CADPS2: variants seen among roughly 807,000 people sequenced by gnomAD.
The protein encoded by CADPS2 is calcium dependent secretion activator 2.
Under a neutral mutation model 172.5 loss-of-function variants are expected in CADPS2, and 93 were observed. The ratio of observed to expected loss-of-function variants is 0.54; its 90% CI spans 0.46 to 0.64. The LOEUF is 0.64. Ranked by LOEUF, CADPS2 falls within the 30% of genes least tolerant of loss-of-function variation. The pLI is 0.00. For missense variants in CADPS2, 1,420 were observed against 1,565.9 expected (o/e 0.91, Z 1.57); for synonymous variants, 546 against 555.2 (o/e 0.98, Z 0.23).
chr7:122,642,057 A>G (rs1050441679), intron 3 of CADPS2, among the ~76,000 whole-genome samples: 1 of 152,030 alleles, frequency 6.6e-6, no homozygotes, highest in African/African-American at 2.4e-5. Context: ...AGGCAGGTGG[A>G]TCACTTGAGG....
intron 17 of CADPS2, among the ~76,000 whole-genome samples, chr7:122,417,152 A>G (rs1197052188): frequency 2.0e-5 from 3 of 152,132 alleles, no homozygotes; most frequent in Admixed American, 2.0e-4. Flanking sequence ...TTAAATTTGG[A>G]GGAGACACTT....
chr7:122,779,707 G>A (rs541005361), intron 1 of CADPS2, among the ~76,000 whole-genome samples: 13 of 152,104 alleles, frequency 8.5e-5, no homozygotes, highest in Non-Finnish European at 1.6e-4. Context: ...GTCACAGCAA[G>A]CAAAGCCCAC....
At chr7:122,841,019 C>G (rs1437513852) in intron 1 of CADPS2, among the ~76,000 whole-genome samples, 1 of 151,946 alleles carries the variant, frequency 6.6e-6, no homozygotes, top group African/African-American at 2.4e-5. Context: ...AACTGTTTTA[C>G]AATACTGTAA....
Position 122,424,974 on chromosome 7 carries a change from CT to C in CADPS2, c.2477-8811del, listed in dbSNP as rs199773704. On this transcript the variant is annotated intron_variant, in intron 17 of 29. Coordinates refer to ENST00000449022, the MANE Select transcript of CADPS2 (RefSeq NM_017954.11). Reference sequence around the variant, plus strand: ...ATTTTGCCAGCTAATTGTGTAATAGCTTTTTTTAAAAAAATTATTTTTTTGG... The same window carrying C: ...ATTTTGCCAGCTAATTGTGTAATAGCTTTTTTAAAAAAATTATTTTTTTGG... Among the ~76,000 whole-genome samples the C allele has an allele frequency of 6.2e-3, 946 of 152,090 alleles. 9 individuals carry two copies. The highest frequency in any genetic ancestry group is 0.02 in the African/African-American group (828 of 41,482).
intron 8 of CADPS2, among the ~76,000 whole-genome samples, chr7:122,548,712 T>C (rs565531783): frequency 2.0e-5 from 3 of 152,168 alleles, no homozygotes; most frequent in Non-Finnish European, 4.4e-5. Context: ...TGCTTTCTTA[T>C]TCCTCTCACT....
At chr7:122,726,411 C>A (rs1486831567) in intron 2 of CADPS2, among the ~76,000 whole-genome samples, 1 of 151,948 alleles carries the variant, frequency 6.6e-6, no homozygotes, top group Non-Finnish European at 1.5e-5. Context: ...CTTAATCTAT[C>A]CATTTTTATG....
At chr7:122,394,864 T>C (rs550001321) in intron 20 of CADPS2, among the ~76,000 whole-genome samples, 1 of 152,104 alleles carries the variant, frequency 6.6e-6, no homozygotes, top group Admixed American at 6.5e-5. Context: ...TAGCCAGGAG[T>C]GAAAACAGAG....
intron 6 of CADPS2, among the ~76,000 whole-genome samples, chr7:122,596,104 C>T (rs2071729860): frequency 1.3e-5 from 2 of 152,102 alleles, no homozygotes; most frequent in Non-Finnish European, 2.9e-5. Context: ...TTCCTGTGAG[C>T]ACTACCCACA....
rs538827921 is a variant in CADPS2 at position 122,569,137 on chromosome 7, A to G, written c.1335+12042T>C. Among the ~76,000 whole-genome samples the G allele has an allele frequency of 1.2e-4, 18 of 152,184 alleles. 1 individual carries two copies. The highest frequency in any genetic ancestry group is 2.6e-4 in the Admixed American group (4 of 15,278). Reference sequence around the variant, plus strand: ...GATTGTATATCTAGAAAACCCCATCATCTCAGCCCAAAATCTCCTTAAGCT... The same window carrying G: ...GATTGTATATCTAGAAAACCCCATCGTCTCAGCCCAAAATCTCCTTAAGCT... On this transcript the variant is annotated intron_variant, in intron 7 of 29. Coordinates refer to ENST00000449022, the MANE Select transcript of CADPS2 (RefSeq NM_017954.11).
Position 122,786,074 on chromosome 7 carries a change from C to T in CADPS2, c.340-49006G>A, listed in dbSNP as rs995817762. Reference sequence around the variant, plus strand: ...TTTCCACATTCCACTTTTATTGTTACCACATTCAGATCTTCTAACTATAAC... The same window carrying T: ...TTTCCACATTCCACTTTTATTGTTATCACATTCAGATCTTCTAACTATAAC... On this transcript the variant is annotated intron_variant, in intron 1 of 29. Coordinates refer to ENST00000449022, the MANE Select transcript of CADPS2 (RefSeq NM_017954.11). Among the ~76,000 whole-genome samples the T allele has an allele frequency of 5.3e-5, 8 of 152,130 alleles. 1 individual carries two copies. In the South Asian group the frequency reaches 1.5e-3, roughly 28 times the overall value.
intron 4 of CADPS2, 121 bp downstream of exon 4, chr7:122,629,127 G>A (rs1231350547): frequency 3.1e-6 from 2 of 651,672 alleles, no homozygotes; most frequent in Admixed American, 6.5e-5. Context: ...ATGTGTAGAG[G>A]AGAAAATGTT....
intron 8 of CADPS2, among the ~76,000 whole-genome samples, chr7:122,540,187 C>T (rs2131567736): frequency 6.6e-6 from 1 of 152,156 alleles, no homozygotes; most frequent in Middle Eastern, 3.4e-3. Context: ...TGACATTATA[C>T]TCATGTTGGC....
chr7:122,424,555 T>C (rs2048910606), intron 17 of CADPS2: 1 of 152,292 alleles, frequency 6.6e-6, no homozygotes, highest in Admixed American at 6.5e-5. Context: ...GGTGGAATAT[T>C]GAGGCATAAT....
At chr7:122,360,585 A>T (rs2039997893) in intron 27 of CADPS2, among the ~76,000 whole-genome samples, 1 of 152,308 alleles carries the variant, frequency 6.6e-6, no homozygotes, top group Non-Finnish European at 1.5e-5. Context: ...TGATCTCCTT[A>T]AGAGTTTCTG....
At chr7:122,489,789 A>G (rs184022913) in intron 11 of CADPS2, among the ~76,000 whole-genome samples, 1 of 152,284 alleles carries the variant, frequency 6.6e-6, no homozygotes, top group African/African-American at 2.4e-5. Flanking sequence ...ATCACAATAA[A>G]CTAAATTAAA....
intron 1 of CADPS2, among the ~76,000 whole-genome samples, chr7:122,821,923 A>G (rs1349377776): frequency 6.6e-6 from 1 of 152,080 alleles, no homozygotes; most frequent in Non-Finnish European, 1.5e-5. Context: ...GCTCCTTTTT[A>G]TTAGGCCCCA....
intron 1 of CADPS2, among the ~76,000 whole-genome samples, chr7:122,768,827 T>C (rs994922481): frequency 6.6e-6 from 1 of 151,860 alleles, no homozygotes; most frequent in Non-Finnish European, 1.5e-5. Context: ...CAAGAGAGCA[T>C]GGAAGATATA....
intron 7 of CADPS2, among the ~76,000 whole-genome samples, chr7:122,569,205 G>A (rs537448288): frequency 4.6e-5 from 7 of 152,202 alleles, no homozygotes; most frequent in South Asian, 4.1e-4. Flanking sequence ...AAATCAATGT[G>A]CAAAAATAAC....
intron 1 of CADPS2, among the ~76,000 whole-genome samples, chr7:122,754,397 T>A (rs2093072431): frequency 6.6e-6 from 1 of 152,190 alleles, no homozygotes; most frequent in East Asian, 1.9e-4. Context: ...ATCAATGAAA[T>A]TTAATTAAAA....
Sources: allele counts gnomAD v4.1 joint callset (sites outside exome capture counted in the v4.1 genomes callset), GRCh38; gene constraint gnomAD v4.1.1; transcripts MANE v1.5; gene names NCBI Gene and HGNC (gene_info 2026-07-23, HGNC 2026-07-21).